Variants in USH2A observed in about 807,000 individuals in gnomAD.
The protein encoded by USH2A is Usher syndrome 2A (autosomal recessive, mild).
USH2A carries 443 observed loss-of-function variants against 538.9 expected under a neutral mutation model. That is an observed-to-expected ratio of 0.82 (90% CI 0.76 to 0.89). The LOEUF (loss-of-function observed/expected upper bound fraction) is 0.89. Ranked by LOEUF, USH2A falls within the 40% of genes least tolerant of loss-of-function variation. USH2A has a pLI of 0.00. For synonymous variants in USH2A, 2,413 were observed against 2,273.5 expected (o/e 1.06, Z -1.75); for missense variants, 6,633 against 6,324.8 (o/e 1.05, Z -1.65).
chr1:215,782,471 T>C lies in USH2A; in HGVS notation c.10585+267A>G, dbSNP rs12122543. Among the ~76,000 whole-genome samples the C allele has an allele frequency of 0.36, 55,161 of 151,924 alleles. 10,358 individuals are homozygous for C. Among genetic ancestry groups the C allele is most frequent in the African/African-American group, 0.45 (18,797 of 41,414 alleles). On this transcript the variant is annotated intron_variant, in intron 53 of 71. Transcript: ENST00000307340. Reference sequence around the variant, plus strand: ...AAAACTCTTTCCCCTTCTCTGAATATGCCTTGCTTGTTTTGAAAGCAGCTC... The same window carrying C: ...AAAACTCTTTCCCCTTCTCTGAATACGCCTTGCTTGTTTTGAAAGCAGCTC...
chr1:216,050,572 C>CTTTCTTTCTTTCT (rs2030726759), intron 30 of USH2A, among the ~76,000 whole-genome samples: 1 of 39,226 alleles, frequency 2.5e-5, no homozygotes, highest in Non-Finnish European at 5.4e-5. Flanking sequence ...TTCTTTCTTT[C>CTTTCTTTCTTTCT]TTTCTTTCTT....
rs572456068 is a variant in USH2A at position 216,335,476 on chromosome 1, G to A, written c.785-7822C>T. ...AAAATAGAGAATAGAAAAACAACAAGAAAAACAACAAAAGTTGATTGTTAG... is the reference window on the plus strand; with the variant it reads ...AAAATAGAGAATAGAAAAACAACAAAAAAAACAACAAAAGTTGATTGTTAG... On this transcript the variant is annotated intron_variant, in intron 4 of 71. Transcript: ENST00000307340. Among the ~76,000 whole-genome samples, 148 of 151,230 alleles carry A rather than the reference G, an allele frequency of 9.8e-4. 1 individual carries two copies. Among genetic ancestry groups the A allele is most frequent in the African/African-American group, 3.4e-3 (142 of 41,438 alleles).
intron 43 of USH2A, among the ~76,000 whole-genome samples, chr1:215,876,025 T>C (rs887610642): frequency 2.0e-5 from 3 of 150,996 alleles, no homozygotes; most frequent in African/African-American, 4.9e-5. Context: ...TCCACTAGAT[T>C]ATAAGTTCTT....
At chr1:215,943,178 T>A (rs961922091) in intron 37 of USH2A, among the ~76,000 whole-genome samples, 1 of 152,060 alleles carries the variant, frequency 6.6e-6, no homozygotes, top group South Asian at 2.1e-4. Context: ...AAAAAAATAA[T>A]ATATCGAGTA....
chr1:216,340,680 A>G (rs1394004564), intron 4 of USH2A, among the ~76,000 whole-genome samples: 1 of 152,118 alleles, frequency 6.6e-6, no homozygotes, highest in African/African-American at 2.4e-5. Context: ...CTGGGATGCA[A>G]GGGTGGTTCA....
chr1:216,408,473 A>G (rs904360910), intron 3 of USH2A, among the ~76,000 whole-genome samples: 5 of 152,152 alleles, frequency 3.3e-5, no homozygotes, highest in African/African-American at 1.2e-4. Flanking sequence ...TACCCAAGAT[A>G]AAGTTTAATT....
intron 55 of USH2A, among the ~76,000 whole-genome samples, chr1:215,776,682 G>C (rs1661479187): frequency 6.6e-6 from 1 of 152,082 alleles, no homozygotes; most frequent in Non-Finnish European, 1.5e-5. Context: ...AGGGGGTTCA[G>C]GCAGCATTTC....
At chr1:216,156,789 C>T (rs1244209588) in intron 21 of USH2A, among the ~76,000 whole-genome samples, 1 of 151,202 alleles carries the variant, frequency 6.6e-6, no homozygotes, top group Non-Finnish European at 1.5e-5. Context: ...TTCTAATATG[C>T]AGAACCTATA....
chr1:215,634,461 TATGGTTTTCCCCCGGTGGGTAAACATTCA>T lies in USH2A; in HGVS notation c.15266_15294del (p.Leu5089TyrfsTer79). 1.9e-6 allele frequency: 3 copies of T among 1,614,204 alleles called. No homozygotes were observed. Among genetic ancestry groups the T allele is most frequent in the Non-Finnish European group, 2.5e-6 (3 of 1,180,034 alleles). On this transcript the variant is annotated frameshift_variant, in exon 70 of 72. Transcript: ENST00000307340. LOFTEE classifies it high-confidence loss of function. Reference sequence around the variant, plus strand: ...GGGCCACACCTCTACAAACATACCATATGGTTTTCCCCCGGTGGGTAAACATTCAATGGAGACATCCTCTTCTGAAGAGG... The same window carrying T: ...GGGCCACACCTCTACAAACATACCATATGGAGACATCCTCTTCTGAAGAGG...
intron 40 of USH2A, among the ~76,000 whole-genome samples, chr1:215,897,033 G>A (rs1400323244): frequency 6.6e-6 from 1 of 151,704 alleles, no homozygotes; most frequent in African/African-American, 2.4e-5. Flanking sequence ...CTGGATATTG[G>A]TGGCACACTG....
chr1:216,006,349 T>C (rs185164116), intron 32 of USH2A, among the ~76,000 whole-genome samples: 139 of 152,272 alleles, frequency 9.1e-4, no homozygotes, highest in Middle Eastern at 6.8e-3. Context: ...CTTGGTACCT[T>C]CTTATTCCCA....
chr1:215,965,993 GCA>G (rs1397473465), intron 36 of USH2A, among the ~76,000 whole-genome samples: 1 of 148,494 alleles, frequency 6.7e-6, no homozygotes, highest in Non-Finnish European at 1.5e-5. Context: ...AGGCATGCAC[GCA>G]CACACACGCA....
intron 11 of USH2A, among the ~76,000 whole-genome samples, chr1:216,274,415 A>G (rs2036630653): frequency 6.6e-6 from 1 of 152,126 alleles, no homozygotes; most frequent in African/African-American, 2.4e-5. Context: ...ATATTTATAC[A>G]GTATATTGTA....
chr1:215,703,530 G>A (rs1362446035), intron 61 of USH2A, among the ~76,000 whole-genome samples: 3 of 152,214 alleles, frequency 2.0e-5, no homozygotes, highest in African/African-American at 7.2e-5. Context: ...GAAATCTAGA[G>A]AGGCAGTCTG....
chr1:215,685,387 C>A (rs928246238), intron 61 of USH2A, among the ~76,000 whole-genome samples: 2 of 145,074 alleles, frequency 1.4e-5, no homozygotes, highest in Admixed American at 7.1e-5. Flanking sequence ...TCACTCTCGT[C>A]GCCCAGGCTG....
intron 55 of USH2A, among the ~76,000 whole-genome samples, chr1:215,772,053 A>G (rs1363722358): frequency 2.6e-5 from 4 of 152,232 alleles, no homozygotes; most frequent in South Asian, 2.1e-4. Context: ...ATGACCTTTC[A>G]TATATACGAC....
intron 32 of USH2A, among the ~76,000 whole-genome samples, chr1:216,038,660 T>C (rs530581201): frequency 1.3e-5 from 2 of 152,110 alleles, no homozygotes; most frequent in South Asian, 4.1e-4. Context: ...ACAGATTCCA[T>C]AGATGTGTTT....
rs767076370 is a variant in USH2A, at chr1:215,976,246, A to T, written c.6806-5470T>A. Among the ~76,000 whole-genome samples the T allele has an allele frequency of 3.3e-5, 5 of 152,286 alleles. No homozygotes were observed. In the East Asian group the frequency reaches 7.7e-4, roughly 24 times the overall value. ...TTTTGGGTTTTGTAGGCATAAAATCATATCAGCAAAGAAAGATAGTTTTAC... is the reference window on the plus strand; with the variant it reads ...TTTTGGGTTTTGTAGGCATAAAATCTTATCAGCAAAGAAAGATAGTTTTAC... On this transcript the variant is annotated intron_variant, in intron 35 of 71. Transcript: ENST00000307340.
chr1:215,970,195 A>G (rs1410544783), intron 36 of USH2A, among the ~76,000 whole-genome samples: 1 of 152,182 alleles, frequency 6.6e-6, no homozygotes, highest in African/African-American at 2.4e-5. Context: ...GGTAAACTCA[A>G]CCTTTTAATT....
Sources: gnomAD v4.1 joint callset for allele counts (sites outside exome capture counted in the v4.1 genomes callset) on GRCh38, gnomAD v4.1.1 for gene constraint, MANE v1.5 for transcripts, NCBI Gene and HGNC (gene_info 2026-07-23, HGNC 2026-07-21) for gene names.